MTARC2: variants seen among roughly 807,000 people sequenced by gnomAD.
MTARC2 encodes the protein mitochondrial amidoxime reducing component 2, also known as MOCO sulphurase C-terminal domain containing 2.
In MTARC2, 27 loss-of-function variants were observed where a neutral mutation model predicts 35.6. That is an observed-to-expected ratio of 0.76 (90% confidence interval 0.56 to 1.04). MTARC2 has a LOEUF of 1.04. Among genes scored for constraint, MTARC2 ranks in the 50% least tolerant of loss-of-function variants. The pLI, the probability that MTARC2 is intolerant of heterozygous loss-of-function variation, is 0.00. For synonymous variants in MTARC2, 158 were observed against 167.1 expected (o/e 0.95, Z 0.42); for missense variants, 412 against 432.5 (o/e 0.95, Z 0.42).
At chr1:220,769,271 C>T (rs576555576) in intron 4 of MTARC2, among the ~76,000 whole-genome samples, 5 of 152,352 alleles carry the variant, frequency 3.3e-5, no homozygotes, top group African/African-American at 7.2e-5. Flanking sequence ...TTCCGCACAG[C>T]CTCACACAGC....
At chr1:220,761,193 T>C (rs1671426409) in intron 2 of MTARC2, among the ~76,000 whole-genome samples, 1 of 152,200 alleles carries the variant, frequency 6.6e-6, no homozygotes, top group Non-Finnish European at 1.5e-5. Context: ...TGAAGACAGG[T>C]CAGAGGAGTT....
In MTARC2 at chr1:220,748,453, C is replaced by T; in HGVS notation, c.-79C>T. On this transcript the variant is annotated 5_prime_UTR_variant, in exon 1 of 8. Transcript: ENST00000366913. The stretch of plus-strand genomic sequence containing the variant: ...TTTGACTCCTCTCGCCTGCCCGGAT[C>T]CTTAAGGGCCTCCTCGTCCTCCCGG... 2.3e-6 allele frequency: 3 copies of T among 1,305,608 alleles called. No individual in the cohort carries two copies. The highest frequency in any genetic ancestry group is 2.9e-6 in the Non-Finnish European group (3 of 1,027,578). The allele number at this position is 1,305,608 out of a possible 1,614,324, so 80.9% of individuals were successfully genotyped here.
chr1:220,780,316 C>A, intron 6 of MTARC2, 77 bp downstream of exon 6: 1 of 1,284,426 alleles, frequency 7.8e-7, no homozygotes, highest in Non-Finnish European at 1.1e-6. Context: ...GGTGCTATGT[C>A]TGCTTTAGGG....
At chr1:220,758,268 C>A (rs1273812435) in intron 2 of MTARC2, among the ~76,000 whole-genome samples, 3 of 152,154 alleles carry the variant, frequency 2.0e-5, no homozygotes, top group Non-Finnish European at 4.4e-5. Flanking sequence ...CAGGCATGAG[C>A]CACCACGCCC....
chr1:220,777,346 C>T (rs947364140), intron 4 of MTARC2, among the ~76,000 whole-genome samples: 70 of 152,076 alleles, frequency 4.6e-4, no homozygotes, highest in Admixed American at 3.3e-4. Context: ...ACTATAGGCC[C>T]GGGAGGGGGT....
chr1:220,765,576 GT>G (rs1011360403), intron 4 of MTARC2, among the ~76,000 whole-genome samples: 30 of 152,082 alleles, frequency 2.0e-4, no homozygotes, highest in Non-Finnish European at 3.7e-4. Context: ...GAGAGTCTTT[GT>G]TTTTTTCTTT....
chr1:220,779,922 C>T (rs1274627195), intron 4 of MTARC2, 96 bp from the exon 5 acceptor site: 2 of 929,808 alleles, frequency 2.2e-6, no homozygotes, highest in Non-Finnish European at 3.1e-6. Context: ...CTTTCTTCTG[C>T]TATAATAGTT....
intron 3 of MTARC2, 96 bp from the exon 4 acceptor site, chr1:220,762,813 CT>C: frequency 7.5e-7 from 1 of 1,333,010 alleles, no homozygotes; most frequent in Non-Finnish European, 1.1e-6. Context: ...CTCTTCTGCA[CT>C]GAAGAGGTTT....
rs1325646118 is a variant in MTARC2 at position 220,761,550 on chromosome 1, G to A, written c.447-108G>A. 9.3e-6 allele frequency: 10 copies of A among 1,075,406 alleles called. No individual in the cohort carries two copies. The East Asian group carries it at 2.6e-4, about 28-fold the overall frequency. The allele number at this position is 1,075,406 out of a possible 1,614,324, so 66.6% of individuals were successfully genotyped here. Reference sequence around the variant, plus strand: ...GCTTTGACCCAGGGACCACTTAACAGCCCTCTGGGATGGTCAGGTCCCAAC... The same window carrying A: ...GCTTTGACCCAGGGACCACTTAACAACCCTCTGGGATGGTCAGGTCCCAAC... On this transcript the variant is annotated intron_variant, in intron 2 of 7. Coordinates refer to ENST00000366913, the MANE Select transcript of MTARC2 (RefSeq NM_017898.5).
intron 4 of MTARC2, among the ~76,000 whole-genome samples, chr1:220,777,313 T>C (rs2067633): frequency 0.016 from 2,461 of 152,242 alleles, 42 homozygotes; most frequent in East Asian, 0.056. Context: ...TACTGGAGAA[T>C]CATTTGCATT....
rs1430566295 is a variant in MTARC2, at chr1:220,758,950, TTATTG to T, written c.447-2703_447-2699del. Reference sequence around the variant, plus strand: ...ATTAGGTCTTAAATAGCTATTATCTTTATTGTATTAATCCACCTTATCTATGAATA... The same window carrying T: ...ATTAGGTCTTAAATAGCTATTATCTTTATTAATCCACCTTATCTATGAATA... On this transcript the variant is annotated intron_variant, in intron 2 of 7. Coordinates refer to ENST00000366913, the MANE Select transcript of MTARC2 (RefSeq NM_017898.5). Among the ~76,000 whole-genome samples, 3 of 152,300 alleles carry T rather than the reference TTATTG, an allele frequency of 2.0e-5. No individual in the cohort carries two copies. The East Asian group carries it at 5.8e-4, about 29-fold the overall frequency.
chr1:220,771,947 A>G (rs1464685222), intron 4 of MTARC2, among the ~76,000 whole-genome samples: 2 of 152,342 alleles, frequency 1.3e-5, no homozygotes, highest in South Asian at 4.1e-4. Flanking sequence ...TCATCATACT[A>G]TTAAAAGGTA....
At chr1:220,763,339 A>G (rs1243695133) in intron 4 of MTARC2, among the ~76,000 whole-genome samples, 1 of 152,192 alleles carries the variant, frequency 6.6e-6, no homozygotes, top group African/African-American at 2.4e-5. Flanking sequence ...TAGCTCAGAG[A>G]TAACTGAGGG....
chr1:220,753,050 T>TAA (rs747375341), intron 1 of MTARC2, among the ~76,000 whole-genome samples: 15,785 of 106,592 alleles, frequency 0.15, 1,329 homozygotes, highest in Admixed American at 0.25. Context: ...CTGTCTCTAC[T>TAA]AAAAAAAAAA....
At chr1:220,769,264 C>T (rs983781185) in intron 4 of MTARC2, among the ~76,000 whole-genome samples, 1 of 152,204 alleles carries the variant, frequency 6.6e-6, no homozygotes, top group African/African-American at 2.4e-5. Context: ...AGGTTCCTTC[C>T]GCACAGCCTC....
Position 220,748,755 on chromosome 1 carries a change from AGGCTGAGTGCACGGCCATGG to A in MTARC2, c.230_249del (p.Glu77AlafsTer14), listed in dbSNP as rs1352681352. On this transcript the variant is annotated frameshift_variant, in exon 1 of 8. Coordinates refer to ENST00000366913, the MANE Select transcript of MTARC2 (RefSeq NM_017898.5). LOFTEE classifies it high-confidence loss of function. ...TCCTGCAAAGGGGTGCCGGTGAGCG[AGGCTGAGTGCACGGCCATGG>A]GGCTGCGCAGCGGCAACCTGCGGGA... 1 of 1,600,392 alleles carries A rather than the reference AGGCTGAGTGCACGGCCATGG, an allele frequency of 6.2e-7. No homozygotes were observed. Among genetic ancestry groups the A allele is most frequent in the South Asian group, 1.1e-5 (1 of 88,874 alleles).
intron 4 of MTARC2, among the ~76,000 whole-genome samples, chr1:220,771,477 G>A (rs1255182070): frequency 1.3e-5 from 2 of 152,072 alleles, no homozygotes; most frequent in East Asian, 3.9e-4. Context: ...GTAATGTGAG[G>A]ATACTTATCC....
intron 4 of MTARC2, among the ~76,000 whole-genome samples, chr1:220,769,932 T>TAAAA (rs1553254311): frequency 4.2e-5 from 1 of 23,544 alleles, no homozygotes; most frequent in African/African-American, 2.2e-4. Context: ...CTACTAAAAA[T>TAAAA]ACAAAAAAAA....
intron 1 of MTARC2, among the ~76,000 whole-genome samples, chr1:220,750,166 C>G (rs903273472): frequency 6.6e-6 from 1 of 152,028 alleles, no homozygotes. Context: ...GGATTTTATC[C>G]GAGACCATGA....
Sources: allele counts gnomAD v4.1 joint callset (sites outside exome capture counted in the v4.1 genomes callset), GRCh38; gene constraint gnomAD v4.1.1; transcripts MANE v1.5; gene names NCBI Gene and HGNC (gene_info 2026-07-23, HGNC 2026-07-21).